The following P2RX7 variants were observed in gnomAD, a reference collection of about 807,000 sequenced individuals.
P2RX7 encodes the protein purinergic receptor P2X 7.
P2RX7 carries 62 observed loss-of-function variants against 71.6 expected under a neutral mutation model. The ratio of observed to expected loss-of-function variants is 0.87; its 90% CI spans 0.71 to 1.07. The LOEUF is 1.07. Ranked by LOEUF, P2RX7 falls within the 50% of genes least tolerant of loss-of-function variation. The probability of loss-of-function intolerance (pLI) is 0.00; values close to 1 mark genes in which losing one functional copy is unlikely to be tolerated. For missense variants in P2RX7, 686 were observed against 748.5 expected (o/e 0.92, Z 0.97); for synonymous variants, 299 against 283.3 (o/e 1.06, Z -0.56).
intron 5 of P2RX7, among the ~76,000 whole-genome samples, chr12:121,163,520 T>C (rs1234948864): frequency 6.6e-6 from 1 of 152,054 alleles, no homozygotes; most frequent in Non-Finnish European, 1.5e-5. Flanking sequence ...ATGCGACTAC[T>C]GAATTTTTGA....
rs138997049 is a variant in P2RX7, at chr12:121,157,090, C to T, written c.363+943C>T. Among the ~76,000 whole-genome samples the T allele has an allele frequency of 2.3e-3, 356 of 152,354 alleles. 2 individuals are homozygous for T. The highest frequency in any genetic ancestry group is 8.0e-3 in the African/African-American group (331 of 41,584). The stretch of plus-strand genomic sequence containing the variant: ...TTTCTTCTAAGTTTATCTATACCAG[C>T]GTGTTACTGCTAGGCATTACCTGTA... On this transcript the variant is annotated intron_variant, in intron 3 of 12. Coordinates refer to ENST00000328963, the MANE Select transcript of P2RX7 (RefSeq NM_002562.6).
chr12:121,154,898 TGAA>T lies in P2RX7; in HGVS notation c.244_246del (p.Lys82del). 2 of 1,613,902 alleles carry T rather than the reference TGAA, an allele frequency of 1.2e-6. No homozygotes were observed. The highest frequency in any genetic ancestry group is 1.7e-6 in the Non-Finnish European group (2 of 1,179,900). ...AAAGAGGAGATCGTGGAGAATGGAGTGAAGAAGTTGGTGCACAGTGTCTTTGAC... is the reference window on the plus strand; with the variant it reads ...AAAGAGGAGATCGTGGAGAATGGAGTGAAGTTGGTGCACAGTGTCTTTGAC... On this transcript the variant is annotated inframe_deletion, in exon 2 of 13. Transcript: ENST00000328963. The surrounding 1 kb of genome is among the most constrained non-coding windows in gnomAD (Gnocchi z 4.2).
chr12:121,160,438 C>T (rs969629596), intron 3 of P2RX7, among the ~76,000 whole-genome samples: 4 of 152,170 alleles, frequency 2.6e-5, no homozygotes, highest in African/African-American at 9.7e-5. Flanking sequence ...TGATAAGCCA[C>T]GGCGCCCAGC....
intron 12 of P2RX7, among the ~76,000 whole-genome samples, chr12:121,181,410 T>A (rs1884125023): frequency 6.6e-6 from 1 of 152,204 alleles, no homozygotes. Context: ...GTGGAATTGC[T>A]GAGTCATAAG....
At chr12:121,151,969 T>C (rs1209416965) in intron 1 of P2RX7, among the ~76,000 whole-genome samples, 1 of 152,160 alleles carries the variant, frequency 6.6e-6, no homozygotes, top group African/African-American at 2.4e-5. Flanking sequence ...GAGAATCGCT[T>C]GAACTCCAGC....
rs1436877047 is a variant in P2RX7 at position 121,185,021 on chromosome 12, G to T, written c.*219G>T. On this transcript the variant is annotated 3_prime_UTR_variant, in exon 13 of 13. Transcript: ENST00000328963. ...AATCACTTGAACCCGGGAGGCAGAGGTTGTAGTGAGCCCAGATTGTGCCAC... is the reference window on the plus strand; with the variant it reads ...AATCACTTGAACCCGGGAGGCAGAGTTTGTAGTGAGCCCAGATTGTGCCAC... 2 of 492,876 alleles carry T rather than the reference G, an allele frequency of 4.1e-6. No homozygotes were observed. The highest frequency in any genetic ancestry group is 3.6e-5 in the East Asian group (1 of 27,700). The allele number at this position is 492,876 out of a possible 1,614,324, so 30.5% of individuals were successfully genotyped here. A position where few individuals can be genotyped will look rare whatever the true frequency, so the allele number is the denominator to read the frequency against.
Position 121,133,007 on chromosome 12 carries a change from T to C in P2RX7, c.37T>C (p.Tyr13His). ...CTGCAGCTGCAGTGATGTTTTCCAG[T>C]ATGAGACGAACAAAGTCACTCGGAT... is the stretch of plus-strand genomic sequence containing the variant. ...ACCSCSDVFQ[Y>H]ETNKVTRIQS... The change falls in exon 1 of 13, where the codon TAT becomes CAT. Residue 13 changes from tyrosine to histidine, a missense_variant. Tyr to His is a moderately conservative substitution (Grantham distance 83). Coordinates refer to ENST00000328963, the MANE Select transcript of P2RX7 (RefSeq NM_002562.6). The C allele has an allele frequency of 6.2e-7, 1 of 1,614,018 alleles. No homozygotes were observed. Among genetic ancestry groups the C allele is most frequent in the Non-Finnish European group, 8.5e-7 (1 of 1,179,990 alleles).
At chr12:121,146,537 CT>C (rs1430447494) in intron 1 of P2RX7, among the ~76,000 whole-genome samples, 1 of 152,052 alleles carries the variant, frequency 6.6e-6, no homozygotes, top group Non-Finnish European at 1.5e-5. Flanking sequence ...AGTGATCCCC[CT>C]GCCTCAGCTT....
In P2RX7 at chr12:121,175,435, T is replaced by TA; in HGVS notation, c.933dup (p.Val312SerfsTer7). 1 of 1,595,106 alleles carries TA rather than the reference T, an allele frequency of 6.3e-7. No individual in the cohort carries two copies. Among genetic ancestry groups the TA allele is most frequent in the South Asian group, 1.1e-5 (1 of 90,698 alleles). On this transcript the variant is annotated frameshift_variant, in exon 9 of 13. Transcript: ENST00000328963. LOFTEE classifies it high-confidence loss of function. ...AACAATGTTGAGAAACGGACTCTGATAAAAGTCTTCGGGATCCGTTTTGAC... is the reference window on the plus strand; with the variant it reads ...AACAATGTTGAGAAACGGACTCTGATAAAAAGTCTTCGGGATCCGTTTTGAC...
intron 1 of P2RX7, among the ~76,000 whole-genome samples, chr12:121,135,818 C>T (rs117048777): frequency 0.041 from 6,161 of 150,416 alleles, 150 homozygotes; most frequent in South Asian, 0.088. Flanking sequence ...GCCTGGCCAA[C>T]GTGGTGGAAA....
intron 1 of P2RX7, among the ~76,000 whole-genome samples, chr12:121,148,232 T>TTTA (rs1876650381): frequency 1.7e-5 from 2 of 118,034 alleles, no homozygotes; most frequent in African/African-American, 6.6e-5. Flanking sequence ...TTATTTATTT[T>TTTA]GAGACAGAGT....
chr12:121,133,336 A>G (rs1872829097), intron 1 of P2RX7, among the ~76,000 whole-genome samples: 2 of 152,156 alleles, frequency 1.3e-5, no homozygotes, highest in East Asian at 3.9e-4. Context: ...CAGGCCCGCC[A>G]GGGCGCGCAG....
rs1326587970 is a variant in P2RX7, at chr12:121,162,513, GC to G, written c.532del (p.Arg178GlyfsTer5). The G allele has an allele frequency of 3.1e-6, 5 of 1,612,510 alleles. No individual in the cohort carries two copies. Among genetic ancestry groups the G allele is most frequent in the African/African-American group, 1.3e-5 (1 of 74,898 alleles). On this transcript the variant is annotated frameshift_variant, in exon 5 of 13. Coordinates refer to ENST00000328963, the MANE Select transcript of P2RX7 (RefSeq NM_002562.6). LOFTEE classifies it high-confidence loss of function. ...GTGCCCCATCGAGGCAGTGGAAGAG[GC>G]CCCCCGGTGAGTCGCATGGGGAGAC... Reference protein sequence around the residue: ...AWCPIEAVEEAPRPALLNSAE... With the variant: ...AWCPIEAVEEXPRPALLNSAE...
At chr12:121,161,690 G>A (rs1879750227) in intron 4 of P2RX7, among the ~76,000 whole-genome samples, 2 of 151,260 alleles carry the variant, frequency 1.3e-5, no homozygotes, top group Admixed American at 6.6e-5. Flanking sequence ...TACTTGGGAG[G>A]CTGAGACGTG....
chr12:121,177,371 C>A lies in P2RX7; in HGVS notation c.1113C>A (p.Cys371Ter), dbSNP rs1883331981. The A allele has an allele frequency of 2.5e-6, 4 of 1,613,858 alleles. No individual in the cohort carries two copies. The highest frequency in any genetic ancestry group is 3.4e-6 in the Non-Finnish European group (4 of 1,179,998). ...GTCGCTCCCATATTTATCCCTGGTGCAAGTGCTGTCAGCCCTGTGTGGTCA... is the reference window on the plus strand; with the variant it reads ...GTCGCTCCCATATTTATCCCTGGTGAAAGTGCTGTCAGCCCTGTGTGGTCA... ...NCCRSHIYPW[C>*]KCCQPCVVNE... Residue 371 changes from cysteine (C) to a stop codon, truncating the protein, a stop_gained, in exon 11 of 13, where the codon TGC (cysteine) becomes TGA (stop). Coordinates refer to ENST00000328963, the MANE Select transcript of P2RX7 (RefSeq NM_002562.6). LOFTEE classifies it high-confidence loss of function.
chr12:121,169,859 C>G (rs143390454), intron 8 of P2RX7, among the ~76,000 whole-genome samples: 86 of 152,302 alleles, frequency 5.6e-4, no homozygotes, highest in African/African-American at 1.4e-3. Context: ...CTGCAGTGAA[C>G]CGTGGTTGTG....
In P2RX7 at chr12:121,171,423, G is replaced by A. The variant is rs372503527; in HGVS notation, c.881+3799G>A. Among the ~76,000 whole-genome samples, 102 of 143,068 alleles carry A rather than the reference G, an allele frequency of 7.1e-4. 1 individual carries two copies. In the South Asian group the frequency reaches 9.6e-3, roughly 13 times the overall value. 93.9% of individuals were successfully genotyped at this position (143,068 alleles called of 152,430 possible). On this transcript the variant is annotated intron_variant, in intron 8 of 12. Transcript: ENST00000328963. ...CCAGTCTCCTAGACTGAAGTGCAAT[G>A]GCGTAATTTCGGGTCACTGCAACCT...
At chr12:121,166,320 G>A (rs1346799669) in intron 7 of P2RX7, 133 bp downstream of exon 7, 17 of 933,006 alleles carry the variant, frequency 1.8e-5, no homozygotes, top group Middle Eastern at 5.4e-4. Context: ...AAATCCACCC[G>A]CTACGCTAAG....
chr12:121,169,084 G>A (rs528582617), intron 8 of P2RX7, among the ~76,000 whole-genome samples: 5 of 152,054 alleles, frequency 3.3e-5, no homozygotes, highest in Non-Finnish European at 5.9e-5. Context: ...TCCCACCTCA[G>A]CCTCCTGAGT....
Sources: gnomAD v4.1 joint callset for allele counts (sites outside exome capture counted in the v4.1 genomes callset) on GRCh38, gnomAD v4.1.1 for gene constraint, Gnocchi (gnomAD v3.1) non-coding constraint, MANE v1.5 for transcripts, NCBI Gene and HGNC (gene_info 2026-07-23, HGNC 2026-07-21) for gene names.